DGKH: variants seen among roughly 807,000 people sequenced by gnomAD.
The protein encoded by DGKH is diacylglycerol kinase eta.
DGKH carries 90 observed loss-of-function variants against 159.3 expected under a neutral mutation model. That is an observed-to-expected ratio of 0.57 (90% CI 0.48 to 0.67). The LOEUF (loss-of-function observed/expected upper bound fraction) is 0.67. DGKH is among the 30% of genes least tolerant of loss of function. The probability of loss-of-function intolerance (pLI) is 0.00; values close to 1 mark genes in which losing one functional copy is unlikely to be tolerated. For synonymous variants in DGKH, 536 were observed against 553.8 expected, an observed-to-expected ratio of 0.97 and a Z score of 0.45; for missense variants, 1,181 against 1,506.1, an observed-to-expected ratio of 0.78 and a Z score of 3.57.
At chr13:42,151,050 G>A (rs558654360) in intron 3 of DGKH, among the ~76,000 whole-genome samples, 2 of 152,082 alleles carry the variant, frequency 1.3e-5, no homozygotes, top group African/African-American at 4.8e-5. Flanking sequence ...AAGCTGAGAA[G>A]GGCAAAGACA....
intron 29 of DGKH, among the ~76,000 whole-genome samples, chr13:42,251,407 G>GA (rs1223512945): frequency 6.6e-6 from 1 of 151,980 alleles, no homozygotes; most frequent in Non-Finnish European, 1.5e-5. Context: ...GTCCCTGTCT[G>GA]AAAAAATACA....
At chr13:42,083,552 G>A (rs1005216127) in intron 1 of DGKH, among the ~76,000 whole-genome samples, 3 of 152,306 alleles carry the variant, frequency 2.0e-5, no homozygotes, top group East Asian at 3.9e-4. Context: ...TAGCGCCGCC[G>A]CTGTAGGCGT....
At chr13:42,120,404 A>C (rs1174095926) in intron 1 of DGKH, among the ~76,000 whole-genome samples, 1 of 152,214 alleles carries the variant, frequency 6.6e-6, no homozygotes, top group Non-Finnish European at 1.5e-5. Context: ...TTGAATAAAT[A>C]AGTATATTTC....
chr13:42,143,435 C>T (rs4942094), intron 3 of DGKH, among the ~76,000 whole-genome samples: 55,273 of 152,018 alleles, frequency 0.36, 10,962 homozygotes, highest in South Asian at 0.45. Flanking sequence ...GGGAGGATTC[C>T]TTCTTTTTCT....
chr13:42,073,512 A>G (rs1173793943), intron 1 of DGKH, among the ~76,000 whole-genome samples: 1 of 152,200 alleles, frequency 6.6e-6, no homozygotes, highest in African/African-American at 2.4e-5. Context: ...GATAAATTAT[A>G]TGAGATATCC....
In DGKH at chr13:42,236,158, G is replaced by T. The variant is rs2138308824; in HGVS notation, c.*6970G>T. On this transcript the variant is annotated 3_prime_UTR_variant, in exon 30 of 30. Transcript: ENST00000337343. The stretch of plus-strand genomic sequence containing the variant: ...TATTACTTGTAATCATCAAAAGAAG[G>T]TTTCCACAAGTTGTATAAATCAGTG... 6.6e-6 allele frequency: 1 copy of T among 152,224 alleles called. No homozygotes were observed. The highest frequency in any genetic ancestry group is 2.1e-4 in the South Asian group (1 of 4,826). The allele number at this position is 152,224 out of a possible 1,614,324, so 9.4% of individuals were successfully genotyped here. A position where few individuals can be genotyped will look rare whatever the true frequency, so the allele number is the denominator to read the frequency against.
intron 1 of DGKH, among the ~76,000 whole-genome samples, chr13:42,083,885 G>T (rs1174429898): frequency 6.6e-6 from 1 of 152,200 alleles, no homozygotes; most frequent in Non-Finnish European, 1.5e-5. Context: ...AGAAATAAAA[G>T]TGGAATTAGT....
chr13:42,123,087 G>T (rs576090449), intron 1 of DGKH, among the ~76,000 whole-genome samples: 4 of 152,292 alleles, frequency 2.6e-5, no homozygotes, highest in African/African-American at 7.2e-5. Flanking sequence ...AGCCAACGTA[G>T]AGGACTGTGG....
chr13:42,108,916 G>A (rs1341851422), intron 1 of DGKH, among the ~76,000 whole-genome samples: 1 of 152,194 alleles, frequency 6.6e-6, no homozygotes, highest in African/African-American at 2.4e-5. Flanking sequence ...TGTCATAATG[G>A]AGAGGAAGGC....
At chr13:42,095,529 G>A (rs1407124197) in intron 1 of DGKH, among the ~76,000 whole-genome samples, 1 of 152,048 alleles carries the variant, frequency 6.6e-6, no homozygotes, top group Non-Finnish European at 1.5e-5. Context: ...TTGGAGTTAG[G>A]AGCTGTGTTT....
chr13:42,055,219 G>A (rs1881667449), intron 1 of DGKH, among the ~76,000 whole-genome samples: 1 of 152,144 alleles, frequency 6.6e-6, no homozygotes, highest in Non-Finnish European at 1.5e-5. Flanking sequence ...CAAAGTTAAG[G>A]TGCTGTTAAA....
intron 12 of DGKH, 94 bp downstream of exon 12, chr13:42,174,238 G>A: frequency 9.8e-7 from 1 of 1,023,046 alleles, no homozygotes; most frequent in Admixed American, 2.2e-5. Flanking sequence ...CTAATATATT[G>A]TGGTAGCATG....
chr13:42,153,327 A>T (rs1008948151), intron 3 of DGKH, among the ~76,000 whole-genome samples: 2 of 152,200 alleles, frequency 1.3e-5, no homozygotes, highest in African/African-American at 2.4e-5. Context: ...CATTTAATGT[A>T]AAGGCACTAA....
In DGKH at chr13:42,194,980, A is replaced by G; in HGVS notation, c.2131A>G (p.Asn711Asp). ...PGPAVAASKENLPVLNTRIIC... is the reference protein window; with the variant it reads ...PGPAVAASKEDLPVLNTRIIC... Reference sequence around the variant, plus strand: ...TCCAGCTGTGGCAGCCAGCAAAGAAAACCTCCCTGTGCTCAATACCAGAAT... The same window carrying G: ...TCCAGCTGTGGCAGCCAGCAAAGAAGACCTCCCTGTGCTCAATACCAGAAT... Residue 711 changes from asparagine (N) to aspartate (D), a missense_variant, in exon 17 of 30, where the codon AAC (asparagine) becomes GAC (aspartate). This residue lies in a region of DGKH where 257 missense variants were observed against 281.5 expected (regional missense o/e 0.91). Coordinates refer to ENST00000337343, the MANE Select transcript of DGKH (RefSeq NM_178009.5). 6.2e-7 allele frequency: 1 copy of G among 1,614,056 alleles called. No homozygotes were observed. Among genetic ancestry groups the G allele is most frequent in the African/African-American group, 1.3e-5 (1 of 75,052 alleles).
rs768426153 is a variant in DGKH, at chr13:42,178,139, C to G, written c.1457C>G (p.Thr486Arg). 5 of 1,605,224 alleles carry G rather than the reference C, an allele frequency of 3.1e-6. No homozygotes were observed. The East Asian group carries it at 1.1e-4, about 36-fold the overall frequency. ...GTAGAGTTTTCTTTTCTTCAGATGA[C>G]GATTTATGAAGACTCAGTTGCAACG... ...PPEASEEFYM[T>R]IYEDSVATHL... Residue 486 changes from threonine to arginine, a missense_variant, in exon 13 of 30, where the codon ACG (threonine) becomes AGG (arginine). Physicochemically the swap from Thr to Arg is moderately conservative, Grantham distance 71 (BLOSUM62 -1). Transcript: ENST00000337343.
intron 1 of DGKH, among the ~76,000 whole-genome samples, chr13:42,090,029 A>G (rs972858285): frequency 7.9e-5 from 12 of 152,336 alleles, no homozygotes; most frequent in Admixed American, 2.6e-4. Flanking sequence ...TCAAAGAATA[A>G]ATCACAACCC....
Position 42,065,803 on chromosome 13 carries a change from C to T in DGKH, c.192+16838C>T, listed in dbSNP as rs1882522784. ...ATGTGGATTATTGTCATCATTGTAA[C>T]CCCATGTTTGTCTGTAGGCTGATAA... On this transcript the variant is annotated intron_variant, in intron 1 of 29. Coordinates refer to ENST00000337343, the MANE Select transcript of DGKH (RefSeq NM_178009.5). Among the ~76,000 whole-genome samples, 4 of 152,044 alleles carry T rather than the reference C, an allele frequency of 2.6e-5. No homozygotes were observed. In the South Asian group the frequency reaches 8.3e-4, roughly 32 times the overall value.
intron 24 of DGKH, among the ~76,000 whole-genome samples, chr13:42,213,091 C>T (rs918321111): frequency 1.3e-5 from 2 of 152,084 alleles, no homozygotes; most frequent in Non-Finnish European, 2.9e-5. Context: ...CTTTACTGGG[C>T]TGTTCTAGAA....
chr13:42,069,495 T>C, intron 1 of DGKH: 1 of 1,575,930 alleles, frequency 6.3e-7, no homozygotes, highest in East Asian at 2.2e-5. Context: ...ATTGAATAGT[T>C]CCTGCAATAA....
Sources: gnomAD v4.1 joint callset for allele counts (sites outside exome capture counted in the v4.1 genomes callset) on GRCh38, gnomAD v4.1.1 for gene constraint, gnomAD v4.1.1 regional missense constraint, MANE v1.5 for transcripts, NCBI Gene and HGNC (gene_info 2026-07-23, HGNC 2026-07-21) for gene names.